Variants in HEXB observed in about 807,000 individuals in gnomAD.
The protein encoded by HEXB is hexosaminidase subunit beta.
In HEXB, 51 loss-of-function variants were observed where a neutral mutation model predicts 71.2. The ratio of observed to expected loss-of-function variants is 0.72; its 90% CI spans 0.57 to 0.90. The LOEUF is 0.90. Among genes scored for constraint, HEXB ranks in the 40% least tolerant of loss-of-function variants. The pLI is 0.00. For missense variants in HEXB, 617 were observed against 677.0 expected (o/e 0.91, Z 0.98); for synonymous variants, 266 against 249.3 (o/e 1.07, Z -0.63).
intron 1 of HEXB, among the ~76,000 whole-genome samples, chr5:74,655,948 T>A (rs1196370219): frequency 6.6e-6 from 1 of 152,174 alleles, no homozygotes; most frequent in Non-Finnish European, 1.5e-5. Flanking sequence ...ACATAAATAT[T>A]CTGAAGTGAC....
intron 1 of HEXB, among the ~76,000 whole-genome samples, chr5:74,672,776 TC>T (rs1474299257): frequency 6.6e-6 from 1 of 152,148 alleles, no homozygotes; most frequent in Non-Finnish European, 1.5e-5. Context: ...CATTTCCCAG[TC>T]CCCTCCCGGT....
chr5:74,675,805 G>A (rs1239055368), intron 1 of HEXB, among the ~76,000 whole-genome samples: 1 of 152,198 alleles, frequency 6.6e-6, no homozygotes. Flanking sequence ...GGGGTCGGGG[G>A]GTGAGGTGGT....
At chr5:74,664,446 A>C (rs866021959) in intron 1 of HEXB, among the ~76,000 whole-genome samples, 1 of 149,510 alleles carries the variant, frequency 6.7e-6, no homozygotes, top group East Asian at 1.9e-4. Context: ...AAAAAAAAAA[A>C]AAAAAAACAG....
chr5:74,650,551 G>A (rs923978908), intron 1 of HEXB, among the ~76,000 whole-genome samples: 2 of 152,180 alleles, frequency 1.3e-5, no homozygotes, highest in African/African-American at 4.8e-5. Flanking sequence ...GGGGTCTGCT[G>A]CCTTTCCTCT....
In HEXB at chr5:74,685,328, T is replaced by C; in HGVS notation, c.68T>C (p.Leu23Pro). The change falls in exon 1 of 14, where the codon CTG becomes CCG. Residue 23 changes from leucine to proline, a missense_variant. Transcript: ENST00000261416. ...MLLALLLATL[L>P]AAMLALLTQV... ...CTGGCGCTGCTGTTGGCGACACTGC[T>C]GGCGGCGATGTTGGCGCTGCTGACT... 1 of 1,576,376 alleles carries C rather than the reference T, an allele frequency of 6.3e-7. No individual in the cohort carries two copies. The highest frequency in any genetic ancestry group is 8.6e-7 in the Non-Finnish European group (1 of 1,163,282).
chr5:74,696,789 T>C (rs1282258005), intron 4 of HEXB, 50 bp downstream of exon 4: 2 of 944,578 alleles, frequency 2.1e-6, no homozygotes, highest in Admixed American at 3.6e-5. Flanking sequence ...AAATTGCTAA[T>C]AGAAAAAAAT....
In HEXB at chr5:74,699,844, G is replaced by C. The variant is rs536921350; in HGVS notation, c.669+2738G>C. ...GGTCGGTCATAGCCACATATGCTTG[G>C]CCAACAGTGTGGTACATCTTTGCCA... is the stretch of plus-strand genomic sequence containing the variant. On this transcript the variant is annotated intron_variant, in intron 5 of 13. Transcript: ENST00000261416. Among the ~76,000 whole-genome samples the C allele has an allele frequency of 2.6e-5, 4 of 152,006 alleles. No individual in the cohort carries two copies. The East Asian group carries it at 7.7e-4, about 29-fold the overall frequency.
chr5:74,685,551 G>T lies in HEXB; in HGVS notation c.291G>T (p.Ala97=). 1.3e-6 allele frequency: 2 copies of T among 1,555,798 alleles called. No individual in the cohort carries two copies. Among genetic ancestry groups the T allele is most frequent in the South Asian group, 1.2e-5 (1 of 85,324 alleles). The change falls in exon 1 of 14, where the codon GCG becomes GCT. Residue 97 remains alanine, a synonymous_variant. Transcript: ENST00000261416. ...AGPSCTLLEE[A]FRRYHGYIFG... ...CCTCCTGCACCCTGCTGGAGGAAGC[G>T]TTTCGACGGTGAGCGCTCCCGGCCC...
intron 1 of HEXB, among the ~76,000 whole-genome samples, chr5:74,655,312 C>CTTTTT (rs386404134): frequency 1.6e-5 from 2 of 125,132 alleles, no homozygotes; most frequent in South Asian, 2.6e-4. Flanking sequence ...AAGCATTAAA[C>CTTTTT]TTTTTTTTTT....
intron 6 of HEXB, among the ~76,000 whole-genome samples, chr5:74,713,203 C>T (rs535296678): frequency 1.3e-5 from 2 of 152,160 alleles, no homozygotes; most frequent in South Asian, 4.1e-4. Flanking sequence ...TGCGGTTAGC[C>T]CAAAGTATAC....
intron 1 of HEXB, 133 bp downstream of exon 1, chr5:74,685,692 C>T: frequency 1.3e-6 from 1 of 762,354 alleles, no homozygotes; most frequent in South Asian, 2.0e-5. Context: ...GCGATCTGCC[C>T]AGCGCCACAT....
At chr5:74,682,382 AAAG>A (rs1047071484), upstream of HEXB, among the ~76,000 whole-genome samples, 6 of 152,206 alleles carry the variant, frequency 3.9e-5, no homozygotes, top group Admixed American at 1.3e-4. Flanking sequence ...AAAACAAAAA[AAAG>A]AAGATCCTCC....
chr5:74,711,633 A>G (rs1010556428), intron 6 of HEXB, among the ~76,000 whole-genome samples: 3 of 152,158 alleles, frequency 2.0e-5, no homozygotes, highest in African/African-American at 7.2e-5. Context: ...GGACATGAAC[A>G]GACACTTCTC....
At chr5:74,673,150 T>C (rs111879432) in intron 1 of HEXB, among the ~76,000 whole-genome samples, 1,747 of 152,246 alleles carry the variant, frequency 0.011, 32 homozygotes, top group African/African-American at 0.039. Flanking sequence ...GTTTAATAGA[T>C]AAGGAAGAGA....
At chr5:74,671,050 A>C (rs1748527554) in intron 1 of HEXB, among the ~76,000 whole-genome samples, 1 of 152,160 alleles carries the variant, frequency 6.6e-6, no homozygotes, top group African/African-American at 2.4e-5. Context: ...TCAGCCAGCA[A>C]AGTGACCGAG....
intron 1 of HEXB, among the ~76,000 whole-genome samples, chr5:74,653,566 C>T (rs1748162897): frequency 6.6e-6 from 1 of 152,174 alleles, no homozygotes; most frequent in Non-Finnish European, 1.5e-5. Flanking sequence ...CCATTAAATA[C>T]ATCCTCTCTC....
intron 11 of HEXB, 69 bp downstream of exon 11, chr5:74,719,040 T>G: frequency 6.8e-7 from 1 of 1,478,818 alleles, no homozygotes; most frequent in Non-Finnish European, 9.5e-7. Flanking sequence ...GCAACCATTG[T>G]TACCTTTGTT....
At chr5:74,709,090 A>G (rs1248097658) in intron 6 of HEXB, among the ~76,000 whole-genome samples, 2 of 152,126 alleles carry the variant, frequency 1.3e-5, no homozygotes, top group Non-Finnish European at 2.9e-5. Context: ...ATAACAAACT[A>G]TCTCTCAGAC....
chr5:74,670,745 A>C (rs982844518), intron 1 of HEXB, among the ~76,000 whole-genome samples: 5 of 152,140 alleles, frequency 3.3e-5, no homozygotes, highest in Non-Finnish European at 5.9e-5. Context: ...GCGCCACTGC[A>C]TTCCTCTTGT....
Sources: gnomAD v4.1 joint callset for allele counts (sites outside exome capture counted in the v4.1 genomes callset) on GRCh38, gnomAD v4.1.1 for gene constraint, MANE v1.5 for transcripts, NCBI Gene and HGNC (gene_info 2026-07-23, HGNC 2026-07-21) for gene names.